HPSE2: variants seen among roughly 807,000 people sequenced by gnomAD.
HPSE2 encodes the protein heparanase 2 (inactive).
HPSE2 carries 38 observed loss-of-function variants against 60.5 expected under a neutral mutation model. The observed-to-expected ratio is 0.63, with a 90% CI of 0.48 to 0.82. The LOEUF (loss-of-function observed/expected upper bound fraction) is 0.82, where lower values mean the gene tolerates loss of function less well. Ranked by LOEUF, HPSE2 falls within the 40% of genes least tolerant of loss-of-function variation. The probability of loss-of-function intolerance (pLI) is 0.00; values close to 1 mark genes in which losing one functional copy is unlikely to be tolerated. For missense variants in HPSE2, 713 were observed against 740.4 expected (o/e 0.96, Z 0.43); for synonymous variants, 295 against 293.2 (o/e 1.01, Z -0.06).
intron 9 of HPSE2, among the ~76,000 whole-genome samples, chr10:98,613,862 T>C (rs1211477763): frequency 6.6e-6 from 1 of 152,244 alleles, no homozygotes; most frequent in Non-Finnish European, 1.5e-5. Flanking sequence ...TCTTTTGTCA[T>C]GACCATGACT....
At chr10:98,917,150 A>G (rs887179124) in intron 3 of HPSE2, among the ~76,000 whole-genome samples, 1 of 152,320 alleles carries the variant, frequency 6.6e-6, no homozygotes, top group South Asian at 2.1e-4. Flanking sequence ...ATCATTGTCA[A>G]CTTACATGCA....
At chr10:98,849,934 G>A (rs932916025) in intron 3 of HPSE2, among the ~76,000 whole-genome samples, 9 of 152,052 alleles carry the variant, frequency 5.9e-5, no homozygotes, top group African/African-American at 2.2e-4. Flanking sequence ...AGTAGAGACG[G>A]GGTTTCTCCA....
intron 10 of HPSE2, 131 bp downstream of exon 10, chr10:98,489,920 A>G: frequency 2.2e-6 from 2 of 922,454 alleles, no homozygotes; most frequent in Non-Finnish European, 3.6e-6. Flanking sequence ...TCCAAAGAGC[A>G]GGTATGGTGA....
At chr10:99,217,322 T>G in intron 2 of HPSE2, among the ~76,000 whole-genome samples, 1 of 151,472 alleles carries the variant, frequency 6.6e-6, no homozygotes, top group African/African-American at 2.4e-5. Flanking sequence ...CTAGATCCAC[T>G]GGCGATTCAA....
chr10:98,969,929 A>C (rs182809780), intron 3 of HPSE2, among the ~76,000 whole-genome samples: 1 of 151,980 alleles, frequency 6.6e-6, no homozygotes, highest in East Asian at 1.9e-4. Context: ...CACGTGGCAA[A>C]AGCAGGAGCA....
intron 3 of HPSE2, among the ~76,000 whole-genome samples, chr10:99,083,747 A>C (rs1300103954): frequency 6.6e-6 from 1 of 152,174 alleles, no homozygotes; most frequent in Non-Finnish European, 1.5e-5. Context: ...TCTTGGGAAG[A>C]GGTATTTGTT....
chr10:99,004,424 G>A (rs894769388), intron 3 of HPSE2, among the ~76,000 whole-genome samples: 5 of 150,824 alleles, frequency 3.3e-5, no homozygotes, highest in East Asian at 1.9e-4. Flanking sequence ...TTGGTGTATC[G>A]ATTATAGGTT....
rs117800473 is a variant in HPSE2 at position 98,937,065 on chromosome 10, T to C, written c.611-193009A>G. Among the ~76,000 whole-genome samples, 1,110 of 136,818 alleles carry C rather than the reference T, an allele frequency of 8.1e-3. 81 individuals carry two copies. Among genetic ancestry groups the C allele is most frequent in the Middle Eastern group, 0.023 (6 of 260 alleles). The allele number at this position is 136,818 out of a possible 152,430, so 89.8% of individuals were successfully genotyped here. ...TTCAACCTCCTCCTCTACAACAATA[T>C]ACAATAACGTTTTAAAAATAATTAC... On this transcript the variant is annotated intron_variant, in intron 3 of 11. Transcript: ENST00000370552.
chr10:99,277,658 C>T, the HPSE2 span, among the ~76,000 whole-genome samples: 2 of 152,122 alleles, frequency 1.3e-5, no homozygotes, highest in East Asian at 3.8e-4. Context: ...CTAATAAAAA[C>T]ATTTAGCGTT....
chr10:98,907,547 C>CA (rs1645569591), intron 3 of HPSE2, among the ~76,000 whole-genome samples: 2 of 152,138 alleles, frequency 1.3e-5, no homozygotes, highest in African/African-American at 4.8e-5. Flanking sequence ...ATTCTTCTGA[C>CA]AAGGCATGGT....
At chr10:98,542,739 T>C (rs1454692308) in intron 9 of HPSE2, among the ~76,000 whole-genome samples, 1 of 150,776 alleles carries the variant, frequency 6.6e-6, no homozygotes, top group Non-Finnish European at 1.5e-5. Flanking sequence ...CGATGGAAGA[T>C]GAAATGAATG....
intron 9 of HPSE2, among the ~76,000 whole-genome samples, chr10:98,518,292 A>G (rs1942668741): frequency 6.6e-6 from 1 of 152,228 alleles, no homozygotes; most frequent in African/African-American, 2.4e-5. Context: ...TCTGCAAGCT[A>G]TAATGCAAGT....
At chr10:98,974,169 G>C (rs982454157) in intron 3 of HPSE2, among the ~76,000 whole-genome samples, 1 of 151,872 alleles carries the variant, frequency 6.6e-6, no homozygotes, top group Admixed American at 6.6e-5. Flanking sequence ...GTGTGCACCC[G>C]TAATCACAGC....
chr10:99,115,339 A>G (rs1276898060), intron 3 of HPSE2, among the ~76,000 whole-genome samples: 1 of 152,022 alleles, frequency 6.6e-6, no homozygotes, highest in Non-Finnish European at 1.5e-5. Flanking sequence ...TATTTTTAGT[A>G]GAGACGGGGT....
intron 6 of HPSE2, among the ~76,000 whole-genome samples, chr10:98,690,153 A>G (rs569403707): frequency 6.6e-6 from 1 of 152,298 alleles, no homozygotes; most frequent in East Asian, 1.9e-4. Context: ...CTCAATTTCC[A>G]GCCTTTGACT....
chr10:99,067,638 C>A (rs1195989296), intron 3 of HPSE2, among the ~76,000 whole-genome samples: 2 of 152,198 alleles, frequency 1.3e-5, no homozygotes, highest in Admixed American at 1.3e-4. Context: ...CACAGGGCAC[C>A]AAGTTCCAAG....
chr10:98,718,699 A>G lies in HPSE2; in HGVS notation c.956+2958T>C, dbSNP rs192919602. ...ACAAGCCAGGCACAAAAAGACAAAT[A>G]TTGTATGTTCTCATGCACATGTAGG... On this transcript the variant is annotated intron_variant, in intron 5 of 11. Coordinates refer to ENST00000370552, the MANE Select transcript of HPSE2 (RefSeq NM_021828.5). 1.0e-3 allele frequency among the ~76,000 whole-genome samples: 158 copies of G among 152,272 alleles called. 1 individual carries two copies. Among genetic ancestry groups the G allele is most frequent in the Non-Finnish European group, 1.9e-3 (129 of 68,006 alleles).
At chr10:98,883,630 C>T (rs1953086042) in intron 3 of HPSE2, among the ~76,000 whole-genome samples, 1 of 151,908 alleles carries the variant, frequency 6.6e-6, no homozygotes, top group South Asian at 2.1e-4. Context: ...CATAGCATGA[C>T]CCATCTTTAC....
chr10:99,230,621 A>C (rs1388189276), intron 2 of HPSE2, among the ~76,000 whole-genome samples: 1 of 152,076 alleles, frequency 6.6e-6, no homozygotes, highest in East Asian at 1.9e-4. Flanking sequence ...CCTTTCACAA[A>C]GGGAAACAAA....
Sources: allele counts gnomAD v4.1 joint callset (sites outside exome capture counted in the v4.1 genomes callset), GRCh38; gene constraint gnomAD v4.1.1; transcripts MANE v1.5; gene names NCBI Gene and HGNC (gene_info 2026-07-23, HGNC 2026-07-21).